Variants in TANK observed in about 807,000 individuals in gnomAD.
TANK encodes TRAF family member-associated NF-kappa-B activator.
Under a neutral mutation model 43.6 loss-of-function variants are expected in TANK, and 15 were observed. The ratio of observed to expected loss-of-function variants is 0.34; its 90% confidence interval spans 0.23 to 0.53. The LOEUF is 0.53. Among genes scored for constraint, TANK ranks in the 20% least tolerant of loss-of-function variants. TANK has a pLI of 0.94. For missense variants in TANK, 417 were observed against 498.6 expected, an observed-to-expected ratio of 0.84 and a Z score of 1.56; for synonymous variants, 162 against 178.2, an observed-to-expected ratio of 0.91 and a Z score of 0.73.
chr2:161,230,156 A>G (rs1209878714), intron 6 of TANK, among the ~76,000 whole-genome samples: 3 of 152,238 alleles, frequency 2.0e-5, no homozygotes, highest in Admixed American at 6.5e-5. Context: ...GAATAAATCT[A>G]AAATGACAAT....
chr2:161,200,715 T>C (rs1408879549), intron 2 of TANK: 1 of 217,640 alleles, frequency 4.6e-6, no homozygotes, highest in Admixed American at 6.5e-5. Context: ...TTTTAGTGTT[T>C]CTAGAGAAAT....
chr2:161,221,973 C>T (rs181151101), intron 4 of TANK, among the ~76,000 whole-genome samples: 1 of 152,224 alleles, frequency 6.6e-6, no homozygotes, highest in East Asian at 1.9e-4. Flanking sequence ...GGAATCTTTT[C>T]TTGATAAATT....
chr2:161,140,001 A>G (rs1683696503), intron 1 of TANK: 2 of 860,300 alleles, frequency 2.3e-6, no homozygotes, highest in Non-Finnish European at 2.8e-6. Flanking sequence ...TTTAATATTC[A>G]TATTCAAAAC....
chr2:161,198,749 A>C (rs920838652), intron 2 of TANK, among the ~76,000 whole-genome samples: 4 of 152,224 alleles, frequency 2.6e-5, no homozygotes, highest in East Asian at 1.9e-4. Context: ...AGGATTGTAA[A>C]ATAAAAATAG....
chr2:161,213,314 A>G (rs1686973226), intron 4 of TANK, among the ~76,000 whole-genome samples: 1 of 152,078 alleles, frequency 6.6e-6, no homozygotes, highest in Non-Finnish European at 1.5e-5. Context: ...AAAAGTTCTC[A>G]AAATCTGGCT....
At chr2:161,205,909 T>G (rs558201002) in intron 4 of TANK, among the ~76,000 whole-genome samples, 28 of 152,290 alleles carry the variant, frequency 1.8e-4, no homozygotes, top group Non-Finnish European at 2.6e-4. Context: ...GTTCAAGCAA[T>G]TCTACAGGCG....
chr2:161,195,442 AAG>A (rs1481033965), intron 2 of TANK, among the ~76,000 whole-genome samples: 3 of 152,136 alleles, frequency 2.0e-5, no homozygotes, highest in Non-Finnish European at 4.4e-5. Flanking sequence ...TGATTTTTGA[AAG>A]GGCAGGTTTG....
At chr2:161,204,944 A>G (rs1245094662) in intron 4 of TANK, 151 bp downstream of exon 4, 2 of 1,423,846 alleles carry the variant, frequency 1.4e-6, no homozygotes, top group African/African-American at 1.5e-5. Context: ...TAGAAGAACT[A>G]TTTTCAAGTA....
chr2:161,143,854 CT>C (rs1302167236), intron 1 of TANK, among the ~76,000 whole-genome samples: 1 of 152,062 alleles, frequency 6.6e-6, no homozygotes, highest in Non-Finnish European at 1.5e-5. Context: ...GGAGTCCCTC[CT>C]TTTCAATTGT....
chr2:161,198,962 G>A (rs1189893599), intron 2 of TANK, among the ~76,000 whole-genome samples: 1 of 152,092 alleles, frequency 6.6e-6, no homozygotes, highest in Non-Finnish European at 1.5e-5. Flanking sequence ...CAGGATCTCT[G>A]GGTTGCTGAT....
At chr2:161,153,421 T>G (rs1684132201) in intron 1 of TANK, among the ~76,000 whole-genome samples, 1 of 151,874 alleles carries the variant, frequency 6.6e-6, no homozygotes, top group Non-Finnish European at 1.5e-5. Context: ...GTGATCCCTA[T>G]TCACACCTGT....
intron 1 of TANK, among the ~76,000 whole-genome samples, chr2:161,179,186 A>G (rs1685308271): frequency 6.6e-6 from 1 of 152,164 alleles, no homozygotes; most frequent in Non-Finnish European, 1.5e-5. Flanking sequence ...TTTATTATCT[A>G]TTTAATTTTG....
At chr2:161,199,541 A>G (rs1686311014) in intron 2 of TANK, among the ~76,000 whole-genome samples, 1 of 152,224 alleles carries the variant, frequency 6.6e-6, no homozygotes, top group African/African-American at 2.4e-5. Flanking sequence ...ATCTATCTAC[A>G]GAAAATTATA....
rs558198698 is a variant in TANK, at chr2:161,186,458, A to G, written c.99+6697A>G. Among the ~76,000 whole-genome samples the G allele has an allele frequency of 1.4e-4, 22 of 152,294 alleles. 1 individual carries two copies. Among genetic ancestry groups the G allele is most frequent in the Admixed American group, 1.4e-3 (21 of 15,294 alleles). On this transcript the variant is annotated intron_variant, in intron 2 of 7. Transcript: ENST00000392749. ...ATTGCTTTCAAGGGCAGTCTCTTCAATAAACAGTGCTAGGAAAACTAGATA... is the reference window on the plus strand; with the variant it reads ...ATTGCTTTCAAGGGCAGTCTCTTCAGTAAACAGTGCTAGGAAAACTAGATA...
At chr2:161,217,028 G>A (rs1219069091) in intron 4 of TANK, among the ~76,000 whole-genome samples, 1 of 152,138 alleles carries the variant, frequency 6.6e-6, no homozygotes, top group Non-Finnish European at 1.5e-5. Context: ...CATAAATTTT[G>A]AAGTGCCCAG....
chr2:161,161,650 A>G, intron 1 of TANK: 1 of 587,706 alleles, frequency 1.7e-6, no homozygotes, highest in Non-Finnish European at 2.8e-6. Flanking sequence ...CAGATTAAAT[A>G]TATATATATG....
intron 6 of TANK, among the ~76,000 whole-genome samples, chr2:161,230,639 C>T (rs112748561): frequency 7.2e-5 from 11 of 152,184 alleles, no homozygotes; most frequent in Non-Finnish European, 1.6e-4. Flanking sequence ...TTATAGCTTC[C>T]GTTACTGACA....
chr2:161,195,167 A>G (rs1686089597), intron 2 of TANK, among the ~76,000 whole-genome samples: 1 of 152,224 alleles, frequency 6.6e-6, no homozygotes. Flanking sequence ...AATTAATGAT[A>G]TTCATTCAAA....
At chr2:161,146,350 G>A (rs2105219743) in intron 1 of TANK, among the ~76,000 whole-genome samples, 1 of 152,230 alleles carries the variant, frequency 6.6e-6, no homozygotes, top group South Asian at 2.1e-4. Context: ...CCTCCATTCA[G>A]TTCTGCATCC....
Sources: gnomAD v4.1 joint callset for allele counts (sites outside exome capture counted in the v4.1 genomes callset) on GRCh38, gnomAD v4.1.1 for gene constraint, MANE v1.5 for transcripts, NCBI Gene and HGNC (gene_info 2026-07-23, HGNC 2026-07-21) for gene names.